HS3ST4: variants seen among roughly 807,000 people sequenced by gnomAD.
The protein encoded by HS3ST4 is heparan sulfate-glucosamine 3-sulfotransferase 4.
HS3ST4 carries 17 observed loss-of-function variants against 29.2 expected under a neutral mutation model. The ratio of observed to expected loss-of-function variants is 0.58; its 90% CI spans 0.40 to 0.87. HS3ST4 has a LOEUF of 0.87. Ranked by LOEUF, HS3ST4 falls within the 40% of genes least tolerant of loss-of-function variation. HS3ST4 has a pLI of 0.00. For synonymous variants in HS3ST4, 314 were observed against 285.7 expected (o/e 1.10, Z -1.00); for missense variants, 627 against 634.5 (o/e 0.99, Z 0.13).
At chr16:25,956,237 C>T (rs183051322) in intron 1 of HS3ST4, among the ~76,000 whole-genome samples, 17 of 152,290 alleles carry the variant, frequency 1.1e-4, no homozygotes, top group Admixed American at 1.0e-3. Flanking sequence ...TTTCAAATGC[C>T]TCCATGATTT....
chr16:26,054,968 A>G (rs980492412), intron 1 of HS3ST4, among the ~76,000 whole-genome samples: 1 of 152,044 alleles, frequency 6.6e-6, no homozygotes, highest in African/African-American at 2.4e-5. Context: ...GGCATTTCCA[A>G]GTGCTGGACT....
intron 1 of HS3ST4, among the ~76,000 whole-genome samples, chr16:26,089,319 C>T (rs1219803310): frequency 1.2e-4 from 19 of 152,176 alleles, no homozygotes. Flanking sequence ...AGTTCTCAGT[C>T]TGTGGCAGCT....
chr16:25,757,654 A>G (rs1369639367), intron 1 of HS3ST4, among the ~76,000 whole-genome samples: 2 of 151,598 alleles, frequency 1.3e-5, no homozygotes, highest in Non-Finnish European at 2.9e-5. Context: ...CCCTGGTCAT[A>G]TGTTCTGGAA....
chr16:26,075,273 A>G (rs1596672194), intron 1 of HS3ST4, among the ~76,000 whole-genome samples: 3 of 152,290 alleles, frequency 2.0e-5, no homozygotes, highest in Admixed American at 2.0e-4. Context: ...CTCCTGCAAT[A>G]TGGGCTAGCC....
chr16:25,825,182 T>C (rs1260981020), intron 1 of HS3ST4, among the ~76,000 whole-genome samples: 3 of 152,206 alleles, frequency 2.0e-5, no homozygotes, highest in Non-Finnish European at 4.4e-5. Flanking sequence ...TCAAAGAATG[T>C]CAAGGATTTC....
intron 1 of HS3ST4, among the ~76,000 whole-genome samples, chr16:26,062,032 CA>C (rs147172857): frequency 6.6e-6 from 1 of 152,318 alleles, no homozygotes; most frequent in African/African-American, 2.4e-5. Flanking sequence ...GGATAGGCTA[CA>C]TCATGTGTTC....
chr16:25,909,337 C>T (rs1968213037), intron 1 of HS3ST4, among the ~76,000 whole-genome samples: 1 of 152,112 alleles, frequency 6.6e-6, no homozygotes, highest in Non-Finnish European at 1.5e-5. Flanking sequence ...TACAGGCATG[C>T]ACTACCGCAC....
At chr16:25,984,217 C>T (rs963874270) in intron 1 of HS3ST4, among the ~76,000 whole-genome samples, 4 of 152,166 alleles carry the variant, frequency 2.6e-5, no homozygotes, top group African/African-American at 9.7e-5. Flanking sequence ...CAGTGGTCCC[C>T]AACCTTTTTG....
chr16:25,924,953 T>A (rs1305961174), intron 1 of HS3ST4, among the ~76,000 whole-genome samples: 2 of 152,170 alleles, frequency 1.3e-5, no homozygotes, highest in African/African-American at 4.8e-5. Flanking sequence ...TGTATTCATT[T>A]TCATCTTGCT....
At chr16:25,799,110 A>G (rs901068714) in intron 1 of HS3ST4, among the ~76,000 whole-genome samples, 1 of 152,182 alleles carries the variant, frequency 6.6e-6, no homozygotes, top group Admixed American at 6.6e-5. Context: ...ATTTTCATTA[A>G]CAGACTGGAA....
At chr16:25,895,151 G>A (rs1968047276) in intron 1 of HS3ST4, among the ~76,000 whole-genome samples, 1 of 151,970 alleles carries the variant, frequency 6.6e-6, no homozygotes, top group South Asian at 2.1e-4. Flanking sequence ...ATGTGTGTGT[G>A]TGTGTGTGTG....
intron 1 of HS3ST4, among the ~76,000 whole-genome samples, chr16:25,971,439 GAGGCTACTTTTT>G (rs1968896221): frequency 6.6e-6 from 1 of 152,154 alleles, no homozygotes; most frequent in Admixed American, 6.5e-5. Flanking sequence ...CATTCTTGCA[GAGGCTACTTTTT>G]AGTAAAATGC....
At chr16:26,096,062 A>AC (rs1487056232) in intron 1 of HS3ST4, among the ~76,000 whole-genome samples, 1 of 151,986 alleles carries the variant, frequency 6.6e-6, no homozygotes, top group East Asian at 1.9e-4. Flanking sequence ...CCAAGACTAA[A>AC]CCAGGAAGAA....
At chr16:25,904,578 C>T (rs1028614943) in intron 1 of HS3ST4, among the ~76,000 whole-genome samples, 1 of 152,166 alleles carries the variant, frequency 6.6e-6, no homozygotes, top group Admixed American at 6.5e-5. Context: ...CTTGGCTTCC[C>T]AGATATCCAA....
At chr16:26,094,257 C>A (rs1370647199) in intron 1 of HS3ST4, among the ~76,000 whole-genome samples, 2 of 152,098 alleles carry the variant, frequency 1.3e-5, no homozygotes, top group African/African-American at 4.8e-5. Flanking sequence ...TCAGGAAATG[C>A]AGAGAACACC....
At chr16:26,025,983 C>T (rs1969467493) in intron 1 of HS3ST4, among the ~76,000 whole-genome samples, 1 of 152,026 alleles carries the variant, frequency 6.6e-6, no homozygotes, top group South Asian at 2.1e-4. Context: ...ACCATGTTGG[C>T]CAGGCTGGTC....
At chr16:25,977,942 A>C (rs1006385120) in intron 1 of HS3ST4, among the ~76,000 whole-genome samples, 1 of 152,180 alleles carries the variant, frequency 6.6e-6, no homozygotes, top group African/African-American at 2.4e-5. Context: ...TAATGGAAAA[A>C]AAGAAATCAA....
chr16:26,002,325 G>T (rs1343694944), intron 1 of HS3ST4, among the ~76,000 whole-genome samples: 1 of 152,186 alleles, frequency 6.6e-6, no homozygotes, highest in Non-Finnish European at 1.5e-5. Flanking sequence ...ACTGACTTAA[G>T]ATTGTGGGAA....
intron 1 of HS3ST4, among the ~76,000 whole-genome samples, chr16:25,912,795 A>G (rs1402267103): frequency 2.0e-5 from 3 of 152,188 alleles, no homozygotes; most frequent in Non-Finnish European, 2.9e-5. Flanking sequence ...AGAAGGACAT[A>G]GTGTTTCTAT....
Sources: gnomAD v4.1 joint callset for allele counts (sites outside exome capture counted in the v4.1 genomes callset) on GRCh38, gnomAD v4.1.1 for gene constraint, MANE v1.5 for transcripts, NCBI Gene and HGNC (gene_info 2026-07-23, HGNC 2026-07-21) for gene names.